The following WDPCP variants were observed in gnomAD, a reference collection of about 807,000 sequenced individuals.
WDPCP encodes WD repeat-containing and planar cell polarity effector protein fritz homolog.
WDPCP carries 71 observed loss-of-function variants against 93.1 expected under a neutral mutation model. The ratio of observed to expected loss-of-function variants is 0.76; its 90% CI spans 0.63 to 0.93. The LOEUF (loss-of-function observed/expected upper bound fraction) is 0.93. Among genes scored for constraint, WDPCP ranks in the 40% least tolerant of loss-of-function variants. The pLI is 0.00. For synonymous variants in WDPCP, 315 were observed against 315.0 expected (o/e 1.00, Z 0.00); for missense variants, 844 against 887.4 (o/e 0.95, Z 0.62).
chr2:63,497,284 A>G (rs1701289167), intron 1 of WDPCP, among the ~76,000 whole-genome samples: 1 of 152,116 alleles, frequency 6.6e-6, no homozygotes, highest in Non-Finnish European at 1.5e-5. Context: ...AAACAGCAGC[A>G]ATAATTAGCA....
At chr2:63,156,258 C>T (rs976408666) in intron 15 of WDPCP, among the ~76,000 whole-genome samples, 5 of 152,042 alleles carry the variant, frequency 3.3e-5, no homozygotes, top group African/African-American at 1.2e-4. Context: ...CCTCCTAGGC[C>T]TCCCAAAGTG....
chr2:63,597,455 C>A, intron 3 of WDPCP: 1 of 1,505,988 alleles, frequency 6.6e-7, no homozygotes, highest in Non-Finnish European at 8.9e-7. Flanking sequence ...TGTGGCCATT[C>A]TTGTGGGCTC....
At chr2:63,450,351 G>A (rs925679275) in intron 6 of WDPCP, among the ~76,000 whole-genome samples, 2 of 152,112 alleles carry the variant, frequency 1.3e-5, no homozygotes, top group African/African-American at 4.8e-5. Flanking sequence ...GCTGTGGGTG[G>A]CAACCCCGCA....
At chr2:63,785,460 G>A (rs951391005) in intron 2 of WDPCP, among the ~76,000 whole-genome samples, 8 of 151,910 alleles carry the variant, frequency 5.3e-5, no homozygotes, top group Non-Finnish European at 5.9e-5. Context: ...TATAAATTAA[G>A]AACGTGTAAA....
chr2:63,756,563 G>C (rs1669970547), intron 2 of WDPCP, among the ~76,000 whole-genome samples: 1 of 152,086 alleles, frequency 6.6e-6, no homozygotes, highest in Non-Finnish European at 1.5e-5. Flanking sequence ...ATGTACACAA[G>C]ATATCAAGTT....
intron 17 of WDPCP, among the ~76,000 whole-genome samples, chr2:63,143,493 G>T (rs1671249590): frequency 3.3e-5 from 5 of 151,812 alleles, no homozygotes; most frequent in South Asian, 2.1e-4. Flanking sequence ...TGTTTTTTTT[G>T]TTGTTTTTGC....
chr2:63,771,038 A>C (rs1285558629), intron 2 of WDPCP, among the ~76,000 whole-genome samples: 1 of 151,714 alleles, frequency 6.6e-6, no homozygotes, highest in Non-Finnish European at 1.5e-5. Context: ...TAAATTTTTC[A>C]CATTTTTAAC....
intron 3 of WDPCP, among the ~76,000 whole-genome samples, chr2:63,626,227 TA>T: frequency 6.6e-6 from 1 of 152,226 alleles, no homozygotes; most frequent in East Asian, 1.9e-4. Flanking sequence ...CCTAAAACCG[TA>T]AAAACCCTGG....
chr2:63,521,673 G>A (rs956205806), intron 1 of WDPCP, among the ~76,000 whole-genome samples: 3 of 151,976 alleles, frequency 2.0e-5, no homozygotes, highest in South Asian at 2.1e-4. Flanking sequence ...TGGACCAAAG[G>A]GACCTAATAG....
intron 3 of WDPCP, chr2:63,643,699 G>A: frequency 2.0e-6 from 1 of 491,830 alleles, no homozygotes; most frequent in South Asian, 1.6e-5. Flanking sequence ...AGCCTCCTCA[G>A]ATGTAATATG....
intron 15 of WDPCP, among the ~76,000 whole-genome samples, chr2:63,172,582 T>C (rs1673476621): frequency 6.6e-6 from 1 of 152,056 alleles, no homozygotes; most frequent in Non-Finnish European, 1.5e-5. Context: ...GCCTATGTTC[T>C]AGCTCCCAAT....
intron 12 of WDPCP, among the ~76,000 whole-genome samples, chr2:63,324,162 C>T (rs1643999167): frequency 6.6e-6 from 1 of 152,114 alleles, no homozygotes; most frequent in East Asian, 1.9e-4. Flanking sequence ...GCAGCTTGAC[C>T]TTTTCTGTAA....
chr2:63,233,382 AG>A, intron 14 of WDPCP: 1 of 234,636 alleles, frequency 4.3e-6, no homozygotes, highest in Non-Finnish European at 8.6e-6. Flanking sequence ...AAATCCACAG[AG>A]TCTACACAGT....
intron 14 of WDPCP, among the ~76,000 whole-genome samples, chr2:63,235,726 A>G (rs1679330996): frequency 6.6e-6 from 1 of 152,212 alleles, no homozygotes; most frequent in South Asian, 2.1e-4. Context: ...TTCACCACAT[A>G]AACAGAATTA....
chr2:63,134,372 A>T (rs1361986409), intron 17 of WDPCP, among the ~76,000 whole-genome samples: 1 of 152,218 alleles, frequency 6.6e-6, no homozygotes, highest in African/African-American at 2.4e-5. Flanking sequence ...ATGATCAATA[A>T]TACCCACTCG....
chr2:63,624,489 T>C (rs547379149), intron 3 of WDPCP, among the ~76,000 whole-genome samples: 64 of 152,002 alleles, frequency 4.2e-4, no homozygotes, highest in Middle Eastern at 6.8e-3. Context: ...TAAAAAAAGA[T>C]AAAGGGGAGA....
At position 63,495,068 on chromosome 2, in the gene WDPCP, C is replaced by G. The variant is rs189572926; in HGVS notation, c.76-2128G>C. ...GGGTTGATCTGAATTTACTTTCTTC[C>G]GTGCATTAAATGCCTTTAAAGCTAA... On this transcript the variant is annotated intron_variant, in intron 1 of 17. Coordinates refer to ENST00000272321, the MANE Select transcript of WDPCP (RefSeq NM_015910.7). 9.3e-4 allele frequency among the ~76,000 whole-genome samples: 142 copies of G among 152,106 alleles called. 3 individuals carry two copies. The highest frequency in any genetic ancestry group is 5.6e-4 in the Non-Finnish European group (38 of 67,974).
At chr2:63,417,950 T>C (rs911458190) in intron 9 of WDPCP, among the ~76,000 whole-genome samples, 2 of 151,810 alleles carry the variant, frequency 1.3e-5, no homozygotes. Flanking sequence ...TCTAGGAAAA[T>C]GCTAATGTGA....
intron 6 of WDPCP, among the ~76,000 whole-genome samples, chr2:63,467,871 G>A (rs1461053350): frequency 6.6e-6 from 1 of 151,694 alleles, no homozygotes; most frequent in East Asian, 1.9e-4. Flanking sequence ...GATTCCTCAG[G>A]TACAATGTTG....
Sources: allele counts gnomAD v4.1 joint callset (sites outside exome capture counted in the v4.1 genomes callset), GRCh38; gene constraint gnomAD v4.1.1; transcripts MANE v1.5; gene names NCBI Gene and HGNC (gene_info 2026-07-23, HGNC 2026-07-21).